Variants in COMMD10 observed in about 807,000 individuals in gnomAD.
COMMD10 encodes COMM domain containing 10.
In COMMD10, 33 loss-of-function variants were observed where a neutral mutation model predicts 28.9. That is an observed-to-expected ratio of 1.14 (90% CI 0.87 to 1.53). The LOEUF is 1.53. COMMD10 is among the 40% of genes most tolerant of loss of function. The pLI, the probability that COMMD10 is intolerant of heterozygous loss-of-function variation, is 0.00. For missense variants in COMMD10, 310 were observed against 233.4 expected (o/e 1.33, Z -2.14); for synonymous variants, 110 against 81.7 (o/e 1.35, Z -1.87).
chr5:116,163,551 C>T (rs7716307), intron 5 of COMMD10, among the ~76,000 whole-genome samples: 48,328 of 151,668 alleles, frequency 0.32, 11,006 homozygotes, highest in African/African-American at 0.65. Context: ...ATTGCACCAT[C>T]GCGCTCCAGC....
At chr5:116,207,190 T>G (rs1333346979) in intron 5 of COMMD10, among the ~76,000 whole-genome samples, 2 of 152,204 alleles carry the variant, frequency 1.3e-5, no homozygotes, top group Non-Finnish European at 2.9e-5. Flanking sequence ...TTTGCTCTTT[T>G]TACTCCCATG....
chr5:116,101,212 A>C (rs1750646817), intron 4 of COMMD10, among the ~76,000 whole-genome samples: 1 of 152,126 alleles, frequency 6.6e-6, no homozygotes, highest in African/African-American at 2.4e-5. Context: ...CAGGAGTGCA[A>C]GTACCTTTTT....
At chr5:116,264,090 A>T (rs1371620527) in intron 5 of COMMD10, among the ~76,000 whole-genome samples, 1 of 151,810 alleles carries the variant, frequency 6.6e-6, no homozygotes, top group Non-Finnish European at 1.5e-5. Context: ...AGAGCTTTAG[A>T]GCCTTTAACT....
At chr5:116,139,915 T>G (rs919299840) in intron 5 of COMMD10, among the ~76,000 whole-genome samples, 2 of 151,784 alleles carry the variant, frequency 1.3e-5, no homozygotes, top group Non-Finnish European at 3.0e-5. Flanking sequence ...AAATCTATTT[T>G]CCTAGCAAAA....
chr5:116,258,771 C>T (rs1044572332), intron 5 of COMMD10, among the ~76,000 whole-genome samples: 3 of 151,708 alleles, frequency 2.0e-5, no homozygotes, highest in Admixed American at 2.0e-4. Context: ...GGGTTTGATA[C>T]TACGCTAGGA....
intron 5 of COMMD10, among the ~76,000 whole-genome samples, chr5:116,222,894 T>C (rs1427195585): frequency 6.6e-6 from 1 of 152,108 alleles, no homozygotes; most frequent in Non-Finnish European, 1.5e-5. Context: ...GGTTTCACCA[T>C]GTTGATCAGG....
chr5:116,173,249 C>A (rs192677735), intron 5 of COMMD10, among the ~76,000 whole-genome samples: 23 of 152,150 alleles, frequency 1.5e-4, no homozygotes, highest in Non-Finnish European at 2.1e-4. Context: ...TCTTGGAAAT[C>A]AGGAAATTCC....
chr5:116,282,037 T>A (rs1037910985), intron 5 of COMMD10, among the ~76,000 whole-genome samples: 1 of 151,930 alleles, frequency 6.6e-6, no homozygotes, highest in East Asian at 1.9e-4. Context: ...TCCAGACATA[T>A]ATTGTCAAGG....
At chr5:116,248,408 GACAGAA>G (rs1165858630) in intron 5 of COMMD10, among the ~76,000 whole-genome samples, 3 of 151,950 alleles carry the variant, frequency 2.0e-5, no homozygotes, top group Non-Finnish European at 2.9e-5. Flanking sequence ...TAACCTGTTT[GACAGAA>G]AAAGAATTAA....
In COMMD10 at chr5:116,225,438, C is replaced by G. The variant is rs113753287; in HGVS notation, c.511-66079C>G. 2.2e-3 allele frequency among the ~76,000 whole-genome samples: 298 copies of G among 135,666 alleles called. 3 individuals are homozygous for G. The highest frequency in any genetic ancestry group is 7.4e-3 in the African/African-American group (280 of 37,682). The allele number at this position is 135,666 out of a possible 152,430, so 89.0% of individuals were successfully genotyped here. On this transcript the variant is annotated intron_variant, in intron 5 of 6. Coordinates refer to ENST00000274458, the MANE Select transcript of COMMD10 (RefSeq NM_016144.4). The stretch of plus-strand genomic sequence containing the variant: ...ACATATGGTGAAATGACTCTGGGTT[C>G]TGTCATATTCTTTTGAGGACCTTGG...
At chr5:116,142,271 A>C (rs1012946625) in intron 5 of COMMD10, among the ~76,000 whole-genome samples, 7 of 151,848 alleles carry the variant, frequency 4.6e-5, no homozygotes, top group Non-Finnish European at 8.8e-5. Context: ...TGTTATGGCT[A>C]TGACAGACAT....
At position 116,292,435 on chromosome 5, in the gene COMMD10, T is replaced by C; in HGVS notation, c.571-16T>C. 1.4e-6 allele frequency: 2 copies of C among 1,451,242 alleles called. No homozygotes were observed. Among genetic ancestry groups the C allele is most frequent in the Non-Finnish European group, 1.8e-6 (2 of 1,091,698 alleles). 89.9% of individuals were successfully genotyped at this position (1,451,242 alleles called of 1,614,324 possible). On this transcript the variant is annotated splice_polypyrimidine_tract_variant and intron_variant, in intron 6 of 6. Coordinates refer to ENST00000274458, the MANE Select transcript of COMMD10 (RefSeq NM_016144.4). ...CCTTCACTAACGTCTTTTTTTTTTT[T>C]TGTCTTTGTAAATAGCTAGAGACTA...
At chr5:116,125,169 C>G (rs1201644547) in intron 4 of COMMD10, among the ~76,000 whole-genome samples, 2 of 152,144 alleles carry the variant, frequency 1.3e-5, no homozygotes, top group East Asian at 3.9e-4. Flanking sequence ...TACAATCTGG[C>G]ATGTTTTTGC....
At chr5:116,204,508 T>C (rs1427587300) in intron 5 of COMMD10, among the ~76,000 whole-genome samples, 1 of 152,118 alleles carries the variant, frequency 6.6e-6, no homozygotes, top group Non-Finnish European at 1.5e-5. Flanking sequence ...ATTAAGAAGA[T>C]TATCTGCCAT....
chr5:116,186,325 T>G (rs915663375), intron 5 of COMMD10, among the ~76,000 whole-genome samples: 1 of 152,172 alleles, frequency 6.6e-6, no homozygotes, highest in Non-Finnish European at 1.5e-5. Context: ...ACTTAACAGC[T>G]TTCCCATTAC....
intron 5 of COMMD10, among the ~76,000 whole-genome samples, chr5:116,256,355 T>C (rs1750285054): frequency 6.6e-6 from 1 of 151,784 alleles, no homozygotes; most frequent in Non-Finnish European, 1.5e-5. Context: ...TGACAGTCGG[T>C]AGCTTTGACA....
intron 4 of COMMD10, among the ~76,000 whole-genome samples, chr5:116,126,505 C>T (rs1269177834): frequency 6.6e-6 from 1 of 151,990 alleles, no homozygotes; most frequent in Admixed American, 6.6e-5. Flanking sequence ...GGAAGCATCA[C>T]ATTACCGGAC....
chr5:116,128,705 AATAAT>A (rs1191935281), intron 4 of COMMD10, among the ~76,000 whole-genome samples: 4 of 152,024 alleles, frequency 2.6e-5, no homozygotes, highest in Non-Finnish European at 5.9e-5. Flanking sequence ...AGGTCTGGCA[AATAAT>A]ATAAGAATAT....
At chr5:116,242,723 A>G (rs1352793088) in intron 5 of COMMD10, among the ~76,000 whole-genome samples, 1 of 152,132 alleles carries the variant, frequency 6.6e-6, no homozygotes. Context: ...CATTGTTTTA[A>G]TATATTGAGC....
Sources: allele counts gnomAD v4.1 joint callset (sites outside exome capture counted in the v4.1 genomes callset), GRCh38; gene constraint gnomAD v4.1.1; transcripts MANE v1.5; gene names NCBI Gene and HGNC (gene_info 2026-07-23, HGNC 2026-07-21).